IMMP2L: variants seen among roughly 807,000 people sequenced by gnomAD.
The protein encoded by IMMP2L is mitochondrial inner membrane protease subunit 2.
A neutral mutation model predicts 19.3 loss-of-function variants in IMMP2L; 18 were observed. That is an observed-to-expected ratio of 0.93 (90% CI 0.64 to 1.38). The LOEUF (loss-of-function observed/expected upper bound fraction) is 1.38. IMMP2L is among the 40% of genes most tolerant of loss of function. The probability of loss-of-function intolerance (pLI) is 0.00; values close to 1 mark genes in which losing one functional copy is unlikely to be tolerated. For synonymous variants in IMMP2L, 76 were observed against 73.0 expected, an observed-to-expected ratio of 1.04 and a Z score of -0.21; for missense variants, 233 against 218.2, an observed-to-expected ratio of 1.07 and a Z score of -0.43.
At chr7:111,525,297 G>A (rs973392557) in intron 1 of IMMP2L, among the ~76,000 whole-genome samples, 1 of 152,122 alleles carries the variant, frequency 6.6e-6, no homozygotes, top group African/African-American at 2.4e-5. Flanking sequence ...CAACTGAAGG[G>A]AGGCTGGTGC....
At chr7:111,026,957 T>C (rs1036422528) in intron 3 of IMMP2L, among the ~76,000 whole-genome samples, 1 of 152,132 alleles carries the variant, frequency 6.6e-6, no homozygotes. Context: ...TAAAACCAGA[T>C]ACACTTTTTC....
intron 3 of IMMP2L, among the ~76,000 whole-genome samples, chr7:111,141,369 C>T (rs1802868020): frequency 6.6e-6 from 1 of 151,900 alleles, no homozygotes; most frequent in Non-Finnish European, 1.5e-5. Flanking sequence ...TTTGTTAAAT[C>T]AACATTAATA....
rs117248893 is a variant in IMMP2L, at chr7:111,481,119, A to T, written c.239+6119T>A. Among the ~76,000 whole-genome samples the T allele has an allele frequency of 5.5e-4, 83 of 152,278 alleles. 2 individuals are homozygous for T. In the East Asian group the frequency reaches 0.013, roughly 24 times the overall value. On this transcript the variant is annotated intron_variant, in intron 3 of 5. Transcript: ENST00000405709. ...TAATGAGTTTAGCATGACAAAAACC[A>T]GCTGTTGAAACTGCTGTATTATGCA...
chr7:111,542,524 AC>A (rs1350201946), intron 1 of IMMP2L, among the ~76,000 whole-genome samples: 1 of 151,664 alleles, frequency 6.6e-6, no homozygotes, highest in African/African-American at 2.4e-5. Flanking sequence ...AGATTATTTG[AC>A]CCTGTAAACT....
chr7:110,896,659 T>C lies in IMMP2L; in HGVS notation c.306-9964A>G, dbSNP rs1299822420. 5.9e-5 allele frequency among the ~76,000 whole-genome samples: 9 copies of C among 151,412 alleles called. 3 individuals carry two copies. Among genetic ancestry groups the C allele is most frequent in the Admixed American group, 4.6e-4 (7 of 15,166 alleles). On this transcript the variant is annotated intron_variant, in intron 4 of 5. Transcript: ENST00000405709. ...AATACTGAGGTATTTTCGTATGTTA[T>C]TTTACATATAATTGGTATTATTGCA...
chr7:110,724,250 G>A (rs1203658190), intron 5 of IMMP2L: 1 of 152,166 alleles, frequency 6.6e-6, no homozygotes, highest in Non-Finnish European at 1.5e-5. Flanking sequence ...TGGCAATTAA[G>A]TTAGTGTGGC....
intron 3 of IMMP2L, among the ~76,000 whole-genome samples, chr7:111,095,311 G>T (rs543833350): frequency 6.6e-6 from 1 of 151,848 alleles, no homozygotes; most frequent in African/African-American, 2.4e-5. Flanking sequence ...CTATTTATTG[G>T]AGAGGCCTAG....
chr7:110,813,873 C>T (rs1028113929), intron 5 of IMMP2L, among the ~76,000 whole-genome samples: 1 of 151,706 alleles, frequency 6.6e-6, no homozygotes, highest in African/African-American at 2.4e-5. Context: ...ATAGAAAGAA[C>T]ACTTTAAAAT....
At chr7:111,301,648 G>A (rs1363247837) in intron 3 of IMMP2L, among the ~76,000 whole-genome samples, 1 of 151,844 alleles carries the variant, frequency 6.6e-6, no homozygotes, top group Non-Finnish European at 1.5e-5. Context: ...ATGAGGTTTA[G>A]GTCAAGGTTC....
chr7:110,692,497 T>TAA (rs71891270), intron 5 of IMMP2L, among the ~76,000 whole-genome samples: 35,221 of 150,688 alleles, frequency 0.23, 4,473 homozygotes, highest in Non-Finnish European at 0.28. Flanking sequence ...GCTATTGAAA[T>TAA]AAAAAAAAAG....
intron 3 of IMMP2L, among the ~76,000 whole-genome samples, chr7:111,270,548 A>C: frequency 6.6e-6 from 1 of 152,158 alleles, no homozygotes; most frequent in Non-Finnish European, 1.5e-5. Context: ...TTCTTTAAAA[A>C]TATGATGCAG....
chr7:111,412,539 G>GA, intron 3 of IMMP2L, among the ~76,000 whole-genome samples: 2 of 151,696 alleles, frequency 1.3e-5, no homozygotes, highest in East Asian at 1.9e-4. Context: ...ATAATCAATG[G>GA]AAAAAAGAAA....
chr7:111,345,698 A>C (rs1827471097), intron 3 of IMMP2L, among the ~76,000 whole-genome samples: 1 of 152,148 alleles, frequency 6.6e-6, no homozygotes, highest in African/African-American at 2.4e-5. Context: ...GCTAGTGGCT[A>C]ACAAGTCTAG....
intron 5 of IMMP2L, among the ~76,000 whole-genome samples, chr7:110,717,479 C>CAAAACA (rs1008843622): frequency 1.3e-5 from 2 of 152,060 alleles, no homozygotes; most frequent in Admixed American, 1.3e-4. Flanking sequence ...CAAAACAAAA[C>CAAAACA]AAAACAAAAA....
intron 5 of IMMP2L, among the ~76,000 whole-genome samples, chr7:110,693,961 C>T (rs959648537): frequency 6.6e-6 from 1 of 152,084 alleles, no homozygotes; most frequent in Non-Finnish European, 1.5e-5. Flanking sequence ...GGATGCTTCC[C>T]TTCTTGGGGA....
chr7:111,345,276 T>A (rs1166602314), intron 3 of IMMP2L, among the ~76,000 whole-genome samples: 1 of 152,120 alleles, frequency 6.6e-6, no homozygotes, highest in South Asian at 2.1e-4. Flanking sequence ...CATCAAACTA[T>A]TTTAGTTGTG....
chr7:111,276,609 G>C (rs1287893306), intron 3 of IMMP2L, among the ~76,000 whole-genome samples: 7 of 50,796 alleles, frequency 1.4e-4, no homozygotes, highest in African/African-American at 4.8e-4. Context: ...CACAGAATTA[G>C]AAAAAAAAAA....
At chr7:111,467,526 G>A (rs1037552477) in intron 3 of IMMP2L, among the ~76,000 whole-genome samples, 5 of 152,040 alleles carry the variant, frequency 3.3e-5, no homozygotes, top group African/African-American at 1.2e-4. Flanking sequence ...TTCAAAGATG[G>A]CTGGTATGTA....
In IMMP2L at chr7:111,193,324, GCTT is replaced by G. The variant is rs1373763790; in HGVS notation, c.240-229762_240-229760del. Among the ~76,000 whole-genome samples, 7 of 152,180 alleles carry G rather than the reference GCTT, an allele frequency of 4.6e-5. No homozygotes were observed. The East Asian group carries it at 1.2e-3, about 25-fold the overall frequency. On this transcript the variant is annotated intron_variant, in intron 3 of 5. Transcript: ENST00000405709. Reference sequence around the variant, plus strand: ...TATGCTCTTGACAGTGGGTTAAGATGCTTCTTCTTCCCACTCTGAGAATCAGTG... The same window carrying G: ...TATGCTCTTGACAGTGGGTTAAGATGCTTCTTCCCACTCTGAGAATCAGTG...
Sources: allele counts gnomAD v4.1 joint callset (sites outside exome capture counted in the v4.1 genomes callset), GRCh38; gene constraint gnomAD v4.1.1; transcripts MANE v1.5; gene names NCBI Gene and HGNC (gene_info 2026-07-23, HGNC 2026-07-21).